The following NCF2 variants were observed in gnomAD, a reference collection of about 807,000 sequenced individuals.
NCF2 encodes neutrophil cytosol factor 2.
In NCF2, 45 loss-of-function variants were observed where a neutral mutation model predicts 70.9. The ratio of observed to expected loss-of-function variants is 0.63; its 90% CI spans 0.50 to 0.81. NCF2 has a LOEUF of 0.81. NCF2 is among the 40% of genes least tolerant of loss of function. The pLI is 0.00. For missense variants in NCF2, 522 were observed against 631.6 expected (o/e 0.83, Z 1.86); for synonymous variants, 203 against 233.6 (o/e 0.87, Z 1.19).
intron 13 of NCF2, among the ~76,000 whole-genome samples, chr1:183,562,014 A>C (rs547160947): frequency 2.6e-5 from 4 of 151,964 alleles, no homozygotes; most frequent in Middle Eastern, 3.4e-3. Flanking sequence ...CAGCCTCCCA[A>C]AGTGTTGGAA....
At chr1:183,591,875 A>T (rs992488002), upstream of NCF2, among the ~76,000 whole-genome samples, 1 of 152,254 alleles carries the variant, frequency 6.6e-6, no homozygotes, top group African/African-American at 2.4e-5. Context: ...ACAGTGAATT[A>T]TGACTTCTCC....
At chr1:183,584,856 T>C (rs1673269748) in intron 2 of NCF2, among the ~76,000 whole-genome samples, 2 of 152,036 alleles carry the variant, frequency 1.3e-5, no homozygotes, top group African/African-American at 4.8e-5. Flanking sequence ...CATAAATATA[T>C]ACACCTACTG....
At position 183,573,243 on chromosome 1, in the gene NCF2, C is replaced by G. The variant is rs137854518; in HGVS notation, c.551G>C (p.Arg184Pro). 3 of 1,614,102 alleles carry G rather than the reference C, an allele frequency of 1.9e-6. No individual in the cohort carries two copies. The South Asian group carries it at 3.3e-5, about 18-fold the overall frequency. Residue 184 changes from arginine (R) to proline (P), a missense_variant, in exon 5 of 15, where the codon CGA becomes CCA. By Grantham distance (103) the Arg-to-Pro change is moderately radical. Transcript: ENST00000367535. ...CTGAGCCACTTGTCTCTCATTTGGTCGAAACAGCTTGCCCACAGGGATCAC... is the reference window on the plus strand; with the variant it reads ...CTGAGCCACTTGTCTCTCATTTGGTGGAAACAGCTTGCCCACAGGGATCAC... ...PVVIPVGKLF[R>P]PNERQVAQLA...
intron 3 of NCF2, among the ~76,000 whole-genome samples, chr1:183,576,876 TG>T (rs1672822320): frequency 6.6e-6 from 1 of 152,172 alleles, no homozygotes; most frequent in South Asian, 2.1e-4. Context: ...ACAGGAATTT[TG>T]GTTTTCAAAA....
At chr1:183,583,123 G>A (rs1207767080) in intron 2 of NCF2, among the ~76,000 whole-genome samples, 2 of 151,968 alleles carry the variant, frequency 1.3e-5, no homozygotes, top group African/African-American at 4.8e-5. Context: ...TGTTATCTCG[G>A]TTCACTGCAA....
chr1:183,570,886 C>T lies in NCF2; in HGVS notation c.610-47G>A, dbSNP rs767202963. The stretch of plus-strand genomic sequence containing the variant: ...TGTGAGGCTCTGCCAGCACTGTTTC[C>T]ATTCTTCTGGGTCTCCCTCTTTGCT... On this transcript the variant is annotated intron_variant, in intron 5 of 14. Transcript: ENST00000367535. The T allele has an allele frequency of 3.1e-6, 5 of 1,595,272 alleles. No homozygotes were observed. The Admixed American group carries it at 6.7e-5, about 21-fold the overall frequency.
chr1:183,561,883 C>T (rs575916319), intron 13 of NCF2, among the ~76,000 whole-genome samples: 42 of 142,970 alleles, frequency 2.9e-4, no homozygotes, highest in Non-Finnish European at 1.5e-4. Flanking sequence ...CTGTAACCTC[C>T]GCCTCCTGGG....
chr1:183,574,637 C>T lies in NCF2; in HGVS notation c.367-16G>A, dbSNP rs55832218. ...TATATAACACCTAGAAAAGTACAGA[C>T]CGCAACATAAAACTTGAGACTACTC... On this transcript the variant is annotated splice_polypyrimidine_tract_variant and intron_variant, in intron 3 of 14. Coordinates refer to ENST00000367535, the MANE Select transcript of NCF2 (RefSeq NM_000433.4). 1,385 of 1,614,054 alleles carry T rather than the reference C, an allele frequency of 8.6e-4. 1 individual carries two copies. Among genetic ancestry groups the T allele is most frequent in the Middle Eastern group, 2.5e-3 (15 of 6,062 alleles).
chr1:183,560,647 A>G (rs1030579579), intron 13 of NCF2, among the ~76,000 whole-genome samples: 2 of 152,230 alleles, frequency 1.3e-5, no homozygotes, highest in Non-Finnish European at 1.5e-5. Flanking sequence ...TCACACTCCT[A>G]TGAGAATCTA....
chr1:183,594,272 G>A (rs1174237468), upstream of NCF2, among the ~76,000 whole-genome samples: 1 of 151,956 alleles, frequency 6.6e-6, no homozygotes, highest in African/African-American at 2.4e-5. Context: ...GCCAGGCATG[G>A]TGGCACATGC....
At chr1:183,589,437 G>A (rs1029135076) in intron 1 of NCF2, among the ~76,000 whole-genome samples, 6 of 152,128 alleles carry the variant, frequency 3.9e-5, no homozygotes, top group African/African-American at 1.4e-4. Flanking sequence ...GCTAGGATTC[G>A]ATCCTAGATC....
In NCF2 at chr1:183,563,920, A is replaced by G. The variant is rs35327744; in HGVS notation, c.1026+85T>C. The G allele has an allele frequency of 2.7e-6, 4 of 1,464,496 alleles. No individual in the cohort carries two copies. In the African/African-American group the frequency reaches 4.2e-5, roughly 15 times the overall value. The allele number at this position is 1,464,496 out of a possible 1,614,324, so 90.7% of individuals were successfully genotyped here. On this transcript the variant is annotated intron_variant, in intron 11 of 14. Transcript: ENST00000367535. ...CGACCCTCCCTTTGGGGCTCTTCCT[A>G]TAATCCAGACAGACATGTCTGTGGT...
chr1:183,557,006 C>A (rs1671817224), intron 14 of NCF2, among the ~76,000 whole-genome samples: 1 of 152,142 alleles, frequency 6.6e-6, no homozygotes, highest in East Asian at 1.9e-4. Context: ...TGGGTTAGTA[C>A]ATGTTTGTTA....
At chr1:183,599,407 T>TTTTCTTTCTTTCC in the NCF2 span, among the ~76,000 whole-genome samples, 1 of 134,486 alleles carries the variant, frequency 7.4e-6, no homozygotes, top group Non-Finnish European at 1.6e-5. Flanking sequence ...CCTCTTTTTC[T>TTTTCTTTCTTTCC]TTCTTTCTTT....
At chr1:183,597,129 T>C in the NCF2 span, among the ~76,000 whole-genome samples, 1 of 152,242 alleles carries the variant, frequency 6.6e-6, no homozygotes, top group African/African-American at 2.4e-5. Flanking sequence ...TAGTCCTGCA[T>C]ATCTTAGGAA....
intron 2 of NCF2, among the ~76,000 whole-genome samples, chr1:183,583,512 T>C (rs1673206083): frequency 6.6e-6 from 1 of 152,274 alleles, no homozygotes; most frequent in African/African-American, 2.4e-5. Flanking sequence ...ATAAGTTCCT[T>C]GAAACGGAGA....
At chr1:183,587,988 C>T (rs1283353356) in intron 1 of NCF2, among the ~76,000 whole-genome samples, 1 of 152,114 alleles carries the variant, frequency 6.6e-6, no homozygotes, top group Non-Finnish European at 1.5e-5. Flanking sequence ...TAGATAGAAG[C>T]TTTGAGCCAG....
intron 13 of NCF2, among the ~76,000 whole-genome samples, chr1:183,561,637 TTTTC>T (rs1672053182): frequency 7.0e-6 from 1 of 143,654 alleles, no homozygotes; most frequent in Non-Finnish European, 1.5e-5. Context: ...CTTTCTTTTC[TTTTC>T]TTTTTTTTTT....
chr1:183,567,617 CCCTT>C, intron 7 of NCF2: 1 of 523,786 alleles, frequency 1.9e-6, no homozygotes, highest in Non-Finnish European at 3.5e-6. Context: ...TCCTTGCCCT[CCCTT>C]CTGCTCTGAG....
Sources: allele counts gnomAD v4.1 joint callset (sites outside exome capture counted in the v4.1 genomes callset), GRCh38; gene constraint gnomAD v4.1.1; transcripts MANE v1.5; gene names NCBI Gene and HGNC (gene_info 2026-07-23, HGNC 2026-07-21).